The following TLE1 variants were observed in gnomAD, a reference collection of about 807,000 sequenced individuals.
The protein encoded by TLE1 is TLE family member 1, transcriptional corepressor.
TLE1 carries 21 observed loss-of-function variants against 89.8 expected under a neutral mutation model. That is an observed-to-expected ratio of 0.23 (90% CI 0.17 to 0.34). The LOEUF is 0.34. Ranked by LOEUF, TLE1 falls within the 10% of genes least tolerant of loss-of-function variation. The probability of loss-of-function intolerance (pLI) is 1.00; values close to 1 mark genes in which losing one functional copy is unlikely to be tolerated. For missense variants in TLE1, 795 were observed against 1,031.2 expected, an observed-to-expected ratio of 0.77 and a Z score of 3.14; for synonymous variants, 447 against 407.6, an observed-to-expected ratio of 1.10 and a Z score of -1.16.
intron 4 of TLE1, among the ~76,000 whole-genome samples, chr9:81,681,210 C>T (rs1232496213): frequency 6.6e-6 from 1 of 152,122 alleles, no homozygotes; most frequent in Non-Finnish European, 1.5e-5. Context: ...AATATATCAT[C>T]CTTCCTTTCA....
Position 81,683,034 on chromosome 9 carries a change from C to T in TLE1, c.234+2642G>A, listed in dbSNP as rs114609486. The stretch of plus-strand genomic sequence containing the variant: ...GAAAGGAAACCACAATTATACCATT[C>T]TTGATTTGGATGCACTTTCACTTTA... On this transcript the variant is annotated intron_variant, in intron 4 of 19. Coordinates refer to ENST00000376499, the MANE Select transcript of TLE1 (RefSeq NM_005077.5). Among the ~76,000 whole-genome samples the T allele has an allele frequency of 2.5e-3, 379 of 152,296 alleles. 3 individuals are homozygous for T. The highest frequency in any genetic ancestry group is 8.9e-3 in the African/African-American group (370 of 41,562).
At chr9:81,658,061 C>T (rs1205491145) in intron 4 of TLE1, among the ~76,000 whole-genome samples, 1 of 151,646 alleles carries the variant, frequency 6.6e-6, no homozygotes, top group African/African-American at 2.4e-5. Flanking sequence ...CAGGCACGTG[C>T]CACCATGCCC....
intron 6 of TLE1, among the ~76,000 whole-genome samples, chr9:81,641,048 G>A (rs1348568854): frequency 6.6e-6 from 1 of 152,164 alleles, no homozygotes. Flanking sequence ...GTGACAGTAA[G>A]TGGCATTTAT....
rs114026374 is a variant in TLE1, at chr9:81,661,792, C to T, written c.235-7756G>A. ...AAAAAAATGTACACAGAAACCTCACCGGCAACCAAACAAAAATGTAAATTT... is the reference window on the plus strand; with the variant it reads ...AAAAAAATGTACACAGAAACCTCACTGGCAACCAAACAAAAATGTAAATTT... On this transcript the variant is annotated intron_variant, in intron 4 of 19. Transcript: ENST00000376499. 2.1e-3 allele frequency among the ~76,000 whole-genome samples: 324 copies of T among 152,140 alleles called. 2 individuals are homozygous for T. Among genetic ancestry groups the T allele is most frequent in the African/African-American group, 7.6e-3 (314 of 41,496 alleles).
chr9:81,637,112 C>T (rs112142324), intron 6 of TLE1, among the ~76,000 whole-genome samples: 1 of 151,936 alleles, frequency 6.6e-6, no homozygotes, highest in Non-Finnish European at 1.5e-5. Context: ...AATCCCAGCA[C>T]TTTGGGAGGC....
At chr9:81,673,272 T>TTA (rs34716608) in intron 4 of TLE1, among the ~76,000 whole-genome samples, 2 of 97,998 alleles carry the variant, frequency 2.0e-5, no homozygotes, top group South Asian at 4.1e-4. Flanking sequence ...AGACTTCATT[T>TTA]AAAAAAAAAA....
chr9:81,685,549 G>A (rs1302677851), intron 4 of TLE1, 127 bp downstream of exon 4: 2 of 886,630 alleles, frequency 2.3e-6, no homozygotes, highest in Non-Finnish European at 1.7e-6. Flanking sequence ...CCACAGGACA[G>A]GAAACCAAGG....
Position 81,632,723 on chromosome 9 carries a change from C to T in TLE1, c.594+625G>A, listed in dbSNP as rs374139716. 1.2e-3 allele frequency among the ~76,000 whole-genome samples: 181 copies of T among 152,088 alleles called. 2 individuals are homozygous for T. In the South Asian group the frequency reaches 0.035, roughly 29 times the overall value. Reference sequence around the variant, plus strand: ...GGCTGGTGAAAACATGAACTCTACGCACACAGCCCTGTCCACTGAATTTCC... The same window carrying T: ...GGCTGGTGAAAACATGAACTCTACGTACACAGCCCTGTCCACTGAATTTCC... On this transcript the variant is annotated intron_variant, in intron 8 of 19. Coordinates refer to ENST00000376499, the MANE Select transcript of TLE1 (RefSeq NM_005077.5).
intron 4 of TLE1, among the ~76,000 whole-genome samples, chr9:81,676,068 T>G (rs1342601108): frequency 6.6e-6 from 1 of 152,178 alleles, no homozygotes; most frequent in Non-Finnish European, 1.5e-5. Flanking sequence ...GATCTTGAGA[T>G]GCACACAAAC....
At chr9:81,612,892 T>C (rs1384996626) in intron 12 of TLE1, among the ~76,000 whole-genome samples, 1 of 152,202 alleles carries the variant, frequency 6.6e-6, no homozygotes, top group Non-Finnish European at 1.5e-5. Context: ...ACCCCGTCTC[T>C]ACTAAAAATA....
At chr9:81,668,386 G>A (rs1831772798) in intron 4 of TLE1, among the ~76,000 whole-genome samples, 1 of 152,150 alleles carries the variant, frequency 6.6e-6, no homozygotes, top group Admixed American at 6.5e-5. Flanking sequence ...ATTATTTTAA[G>A]TATTTAGAAG....
At position 81,687,449 on chromosome 9, in the gene TLE1, C is replaced by A. The variant is rs761601256; in HGVS notation, c.25-15G>T. The A allele has an allele frequency of 6.3e-7, 1 of 1,588,034 alleles. No individual in the cohort carries two copies. The highest frequency in any genetic ancestry group is 1.3e-5 in the African/African-American group (1 of 74,674). On this transcript the variant is annotated splice_polypyrimidine_tract_variant and intron_variant, in intron 1 of 19. Coordinates refer to ENST00000376499, the MANE Select transcript of TLE1 (RefSeq NM_005077.5). ...TGGTGCGGCGTCTGGGGGCGACCAG[C>A]GAGGGGGACCGAGGGACGGGAATGC...
intron 4 of TLE1, among the ~76,000 whole-genome samples, chr9:81,678,377 TTAA>T (rs1833165331): frequency 3.4e-5 from 2 of 58,004 alleles, no homozygotes; most frequent in South Asian, 1.3e-3. Flanking sequence ...CCAGGCCCAA[TTAA>T]TTTTTTTTAA....
At chr9:81,673,583 T>C (rs1832522270) in intron 4 of TLE1, among the ~76,000 whole-genome samples, 2 of 152,100 alleles carry the variant, frequency 1.3e-5, no homozygotes, top group African/African-American at 4.8e-5. Flanking sequence ...ACTCACTTAA[T>C]CTTGGTAATT....
rs578019934 is a variant in TLE1 at position 81,676,062 on chromosome 9, T to C, written c.234+9614A>G. ...AATTCCATGGACTTGTTGAAGGATCTTGAGATGCACACAAACAGCCAAAAT... is the reference window on the plus strand; with the variant it reads ...AATTCCATGGACTTGTTGAAGGATCCTGAGATGCACACAAACAGCCAAAAT... On this transcript the variant is annotated intron_variant, in intron 4 of 19. Coordinates refer to ENST00000376499, the MANE Select transcript of TLE1 (RefSeq NM_005077.5). Among the ~76,000 whole-genome samples the C allele has an allele frequency of 7.2e-5, 11 of 152,270 alleles. 1 individual carries two copies. The highest frequency in any genetic ancestry group is 4.6e-4 in the Admixed American group (7 of 15,294).
At chr9:81,665,468 T>C (rs1469542775) in intron 4 of TLE1, among the ~76,000 whole-genome samples, 1 of 151,840 alleles carries the variant, frequency 6.6e-6, no homozygotes, top group Non-Finnish European at 1.5e-5. Flanking sequence ...TCACTCCTCA[T>C]CTTTCACACT....
chr9:81,654,785 G>A (rs1829965254), intron 4 of TLE1, among the ~76,000 whole-genome samples: 1 of 152,188 alleles, frequency 6.6e-6, no homozygotes, highest in Admixed American at 6.5e-5. Flanking sequence ...TGATAGAGTA[G>A]AAGAAAGGCC....
chr9:81,662,540 C>CA (rs535285375), intron 4 of TLE1, among the ~76,000 whole-genome samples: 1,900 of 151,222 alleles, frequency 0.013, 37 homozygotes, highest in African/African-American at 0.042. Context: ...ACTAAAAATA[C>CA]AAAAAAAATT....
At chr9:81,616,758 G>A in intron 9 of TLE1, 59 bp from the exon 10 acceptor site, 3 of 1,593,548 alleles carry the variant, frequency 1.9e-6, no homozygotes, top group Admixed American at 3.4e-5. Flanking sequence ...TTGAGGCACA[G>A]TTAGATTTCT....
Sources: allele counts gnomAD v4.1 joint callset (sites outside exome capture counted in the v4.1 genomes callset), GRCh38; gene constraint gnomAD v4.1.1; transcripts MANE v1.5; gene names NCBI Gene and HGNC (gene_info 2026-07-23, HGNC 2026-07-21).